PRKN: variants seen among roughly 807,000 people sequenced by gnomAD.
The protein encoded by PRKN is parkin RBR E3 ubiquitin protein ligase.
A neutral mutation model predicts 59.5 loss-of-function variants in PRKN; 56 were observed. The observed-to-expected ratio is 0.94, with a 90% confidence interval of 0.76 to 1.18. PRKN has a LOEUF of 1.18. PRKN is among the 50% of genes most tolerant of loss of function. The pLI is 0.00. For missense variants in PRKN, 657 were observed against 596.4 expected, an observed-to-expected ratio of 1.10 and a Z score of -1.06; for synonymous variants, 250 against 222.1, an observed-to-expected ratio of 1.13 and a Z score of -1.12.
chr6:161,706,469 T>G (rs1202573475), intron 7 of PRKN, among the ~76,000 whole-genome samples: 1 of 152,226 alleles, frequency 6.6e-6, no homozygotes, highest in African/African-American at 2.4e-5. Context: ...CATTTGCTTC[T>G]TGACAGCAGC....
intron 2 of PRKN, among the ~76,000 whole-genome samples, chr6:162,335,035 C>T (rs1462505048): frequency 1.3e-5 from 2 of 152,006 alleles, no homozygotes; most frequent in African/African-American, 2.4e-5. Flanking sequence ...GTTTTTGAGA[C>T]AAGAGTCTTG....
intron 1 of PRKN, among the ~76,000 whole-genome samples, chr6:162,702,048 A>G (rs1173373943): frequency 1.3e-5 from 2 of 152,158 alleles, no homozygotes; most frequent in Non-Finnish European, 2.9e-5. Flanking sequence ...TTGTAGAACT[A>G]AACATCTCCT....
intron 9 of PRKN, among the ~76,000 whole-genome samples, chr6:161,510,031 C>T (rs77532263): frequency 0.081 from 12,276 of 152,112 alleles, 706 homozygotes; most frequent in African/African-American, 0.16. Flanking sequence ...TGCATTCATG[C>T]CCTTGCCAGG....
chr6:162,697,305 G>T (rs1223526964), intron 1 of PRKN, among the ~76,000 whole-genome samples: 1 of 151,990 alleles, frequency 6.6e-6, no homozygotes, highest in Non-Finnish European at 1.5e-5. Context: ...AAAATAAAAA[G>T]ATAGCAATAA....
chr6:161,695,382 T>C (rs28397788), intron 7 of PRKN, among the ~76,000 whole-genome samples: 1 of 152,096 alleles, frequency 6.6e-6, no homozygotes, highest in Non-Finnish European at 1.5e-5. Context: ...CAGGGGTAAA[T>C]GGGGTTCTTC....
At chr6:162,574,718 T>C (rs1780488499) in intron 1 of PRKN, among the ~76,000 whole-genome samples, 1 of 151,330 alleles carries the variant, frequency 6.6e-6, no homozygotes, top group Non-Finnish European at 1.5e-5. Flanking sequence ...CCTCTATCAA[T>C]AAGACATATA....
intron 1 of PRKN, among the ~76,000 whole-genome samples, chr6:162,589,200 C>A (rs1165095813): frequency 5.9e-5 from 9 of 152,170 alleles, no homozygotes; most frequent in Non-Finnish European, 7.3e-5. Flanking sequence ...AACACAAACA[C>A]ATACCCTTGA....
chr6:162,673,099 T>C lies in PRKN; in HGVS notation c.7+54563A>G, dbSNP rs543736355. On this transcript the variant is annotated intron_variant, in intron 1 of 11. Coordinates refer to ENST00000366898, the MANE Select transcript of PRKN (RefSeq NM_004562.3). ...CTTTTTCATTTTTATACATATTAAA[T>C]ATAGTCACTGCCCATCCATTTATTT... Among the ~76,000 whole-genome samples, 433 of 152,298 alleles carry C rather than the reference T, an allele frequency of 2.8e-3. 1 individual carries two copies. Among genetic ancestry groups the C allele is most frequent in the African/African-American group, 9.6e-3 (398 of 41,572 alleles).
chr6:161,414,662 T>A lies in PRKN; in HGVS notation c.1084-27785A>T, dbSNP rs1029904365. ...CTTGATGTTTCACAGCTACTGCACA[T>A]CTGATGAAGAGGATTTTTTTTAACT... On this transcript the variant is annotated intron_variant, in intron 9 of 11. Transcript: ENST00000366898. This position sits in a 1 kb window ranked among gnomAD's most constrained non-coding sequence, Gnocchi z 5.3. Among the ~76,000 whole-genome samples, 3 of 152,202 alleles carry A rather than the reference T, an allele frequency of 2.0e-5. No individual in the cohort carries two copies. Among genetic ancestry groups the A allele is most frequent in the Non-Finnish European group, 4.4e-5 (3 of 68,048 alleles).
At chr6:161,708,552 C>A (rs1786608665) in intron 7 of PRKN, among the ~76,000 whole-genome samples, 1 of 151,198 alleles carries the variant, frequency 6.6e-6, no homozygotes, top group Non-Finnish European at 1.5e-5. Context: ...GACATTGCAA[C>A]AGGAACGTCA....
intron 4 of PRKN, among the ~76,000 whole-genome samples, chr6:162,103,226 T>C (rs1322520189): frequency 6.6e-6 from 1 of 152,004 alleles, no homozygotes; most frequent in Non-Finnish European, 1.5e-5. Context: ...AGCTGTTCAG[T>C]TTTGTTTAAA....
At chr6:162,631,324 A>G (rs1783099896) in intron 1 of PRKN, among the ~76,000 whole-genome samples, 1 of 152,212 alleles carries the variant, frequency 6.6e-6, no homozygotes. Context: ...ACACAAATAG[A>G]GGACTGGTTT....
intron 1 of PRKN, chr6:162,568,991 G>T: frequency 1.5e-6 from 1 of 685,842 alleles, no homozygotes. Context: ...TCAGGCAGCT[G>T]TATGAAGAGG....
At chr6:161,710,811 T>C (rs1302437143) in intron 7 of PRKN, among the ~76,000 whole-genome samples, 1 of 145,564 alleles carries the variant, frequency 6.9e-6, no homozygotes, top group Admixed American at 6.9e-5. Flanking sequence ...CTTCCTTCCC[T>C]CCCTCCCTCT....
intron 4 of PRKN, among the ~76,000 whole-genome samples, chr6:162,067,062 AT>A (rs935421460): frequency 2.3e-4 from 34 of 151,004 alleles, no homozygotes; most frequent in African/African-American, 6.6e-4. Context: ...TTCTTCATCC[AT>A]TTTTTTTTCT....
Position 161,785,905 on chromosome 6 carries a change from G to A in PRKN, c.738C>T (p.Ser246=), listed in dbSNP as rs1431010146. The A allele has an allele frequency of 1.2e-6, 2 of 1,613,988 alleles. No homozygotes were observed. The highest frequency in any genetic ancestry group is 8.5e-7 in the Non-Finnish European group (1 of 1,179,994). Residue 246 remains serine (S), a synonymous_variant, in exon 7 of 12, where the codon AGC becomes AGT. Coordinates refer to ENST00000366898, the MANE Select transcript of PRKN (RefSeq NM_004562.3). ...ITCITCTDVR[S]PVLVFQCNSR... ...AGTTGCACTGGAAAACCAGGACGGG[G>A]CTCCTGCAGAGAGAAAGGAAGATGT...
At chr6:162,695,512 T>G (rs1777935632) in intron 1 of PRKN, among the ~76,000 whole-genome samples, 1 of 152,194 alleles carries the variant, frequency 6.6e-6, no homozygotes, top group Non-Finnish European at 1.5e-5. Flanking sequence ...TTATATATCT[T>G]TACTTACATG....
chr6:162,411,849 A>G (rs1249824216), intron 2 of PRKN, among the ~76,000 whole-genome samples: 2 of 152,094 alleles, frequency 1.3e-5, no homozygotes, highest in Non-Finnish European at 2.9e-5. Flanking sequence ...ACCACATTTA[A>G]ATTACTTTAA....
intron 1 of PRKN, among the ~76,000 whole-genome samples, chr6:162,701,688 CTCTT>C: frequency 6.6e-6 from 1 of 151,924 alleles, no homozygotes; most frequent in Middle Eastern, 3.4e-3. Context: ...TTTCTTCACT[CTCTT>C]TTTTTTTTGA....
Sources: allele counts gnomAD v4.1 joint callset (sites outside exome capture counted in the v4.1 genomes callset), GRCh38; gene constraint gnomAD v4.1.1; non-coding constraint Gnocchi (gnomAD v3.1); transcripts MANE v1.5; gene names NCBI Gene and HGNC (gene_info 2026-07-23, HGNC 2026-07-21).